The following SEPTIN10 variants were observed in gnomAD, a reference collection of about 807,000 sequenced individuals.
SEPTIN10 encodes the protein septin-10.
A neutral mutation model predicts 54.8 loss-of-function variants in SEPTIN10; 66 were observed. The ratio of observed to expected loss-of-function variants is 1.21; its 90% CI spans 0.99 to 1.48. SEPTIN10 has a LOEUF of 1.48. Ranked by LOEUF, SEPTIN10 falls within the 40% of genes most tolerant of loss-of-function variation. The pLI is 0.00. For missense variants in SEPTIN10, 620 were observed against 545.6 expected (o/e 1.14, Z -1.36); for synonymous variants, 161 against 181.0 (o/e 0.89, Z 0.89).
rs146388784 is a variant in SEPTIN10, at chr2:109,576,884, G to A, written c.414-2117C>T. 3.1e-4 allele frequency among the ~76,000 whole-genome samples: 47 copies of A among 152,012 alleles called. No homozygotes were observed. In the East Asian group the frequency reaches 8.7e-3, roughly 28 times the overall value. On this transcript the variant is annotated intron_variant, in intron 4 of 10. Transcript: ENST00000397712. Reference sequence around the variant, plus strand: ...CATATATTTCATCAAAGTTTTCAAAGGAAAAAAACAGAAAAGAGGGCAGAA... The same window carrying A: ...CATATATTTCATCAAAGTTTTCAAAAGAAAAAAACAGAAAAGAGGGCAGAA...
At chr2:109,605,232 AG>A (rs1397417401) in intron 1 of SEPTIN10, among the ~76,000 whole-genome samples, 5 of 152,136 alleles carry the variant, frequency 3.3e-5, no homozygotes, top group Non-Finnish European at 4.4e-5. Flanking sequence ...CCATATTACT[AG>A]TATGATCAGG....
In SEPTIN10 at chr2:109,566,269, C is replaced by A. The variant is rs1334479293; in HGVS notation, c.763-410G>T. On this transcript the variant is annotated intron_variant, in intron 6 of 10. Coordinates refer to ENST00000397712, the MANE Select transcript of SEPTIN10 (RefSeq NM_144710.5). ...CCGAGTAGCTGGGATTACAGTTGCC[C>A]ACCACAACATCCAGCTAATTTTTGC... Among the ~76,000 whole-genome samples, 4 of 151,880 alleles carry A rather than the reference C, an allele frequency of 2.6e-5. No individual in the cohort carries two copies. The East Asian group carries it at 7.7e-4, about 29-fold the overall frequency.
intron 4 of SEPTIN10, among the ~76,000 whole-genome samples, chr2:109,575,988 G>A (rs1292478873): frequency 6.6e-6 from 1 of 152,126 alleles, no homozygotes; most frequent in Non-Finnish European, 1.5e-5. Flanking sequence ...CAGGCTCAGT[G>A]GCTCACATCT....
Position 109,543,023 on chromosome 2 carries a change from GTTTTA to G in SEPTIN10, c.*1281_*1285del, listed in dbSNP as rs367654543. 151 of 152,672 alleles carry G rather than the reference GTTTTA, an allele frequency of 9.9e-4. No homozygotes were observed. The highest frequency in any genetic ancestry group is 3.4e-3 in the African/African-American group (140 of 41,556). The allele number at this position is 152,672 out of a possible 1,614,324, so 9.5% of individuals were successfully genotyped here. On this transcript the variant is annotated 3_prime_UTR_variant, in exon 11 of 11. Transcript: ENST00000397712. Reference sequence around the variant, plus strand: ...TTTTATTTGTCAAGAGTAAATGTCAGTTTTATTTAGAATATTCAAGTACAAAAAAT... The same window carrying G: ...TTTTATTTGTCAAGAGTAAATGTCAGTTTAGAATATTCAAGTACAAAAAAT...
chr2:109,572,609 C>CTTT (rs60520770), intron 5 of SEPTIN10, among the ~76,000 whole-genome samples: 181 of 111,192 alleles, frequency 1.6e-3, no homozygotes, highest in Non-Finnish European at 2.0e-3. Context: ...TTTAAAACAA[C>CTTT]TTTTTTTTTT....
At position 109,585,285 on chromosome 2, in the gene SEPTIN10, G is replaced by C; in HGVS notation, c.254C>G (p.Thr85Arg). ...GTCTTCAAAATTAGTATTAAACAAT[G>C]TGTCAATCAGTGTTGATTTTCCAAT... Reference protein sequence around the residue: ...TGIGKSTLIDTLFNTNFEDYE... With the variant: ...TGIGKSTLIDRLFNTNFEDYE... The change falls in exon 4 of 11, where the codon ACA becomes AGA. Residue 85 changes from threonine (T) to arginine (R), a missense_variant. Physicochemically the swap from Thr to Arg is moderately conservative, Grantham distance 71 (BLOSUM62 -1). Transcript: ENST00000397712. 2 of 1,607,686 alleles carry C rather than the reference G, an allele frequency of 1.2e-6. No individual in the cohort carries two copies. Among genetic ancestry groups the C allele is most frequent in the Admixed American group, 1.7e-5 (1 of 58,762 alleles).
chr2:109,607,450 C>G (rs899948706), intron 1 of SEPTIN10, among the ~76,000 whole-genome samples: 1 of 151,926 alleles, frequency 6.6e-6, no homozygotes, highest in Non-Finnish European at 1.5e-5. Flanking sequence ...TATCTCTCCC[C>G]CTAAAGAGAG....
intron 8 of SEPTIN10, among the ~76,000 whole-genome samples, chr2:109,559,228 T>TA (rs1182524408): frequency 6.6e-6 from 1 of 152,174 alleles, no homozygotes; most frequent in African/African-American, 2.4e-5. Context: ...AGCTTCCTAA[T>TA]ACATCAGACT....
At chr2:109,612,036 T>C (rs1022871679) in intron 1 of SEPTIN10, among the ~76,000 whole-genome samples, 6 of 152,220 alleles carry the variant, frequency 3.9e-5, no homozygotes, top group African/African-American at 9.7e-5. Flanking sequence ...TGTACATGAA[T>C]GTTTATAGCA....
At chr2:109,563,278 T>C (rs997124673) in intron 8 of SEPTIN10, among the ~76,000 whole-genome samples, 48 of 152,192 alleles carry the variant, frequency 3.2e-4, no homozygotes, top group African/African-American at 1.1e-3. Flanking sequence ...CTCCATAGAC[T>C]GAAGAAATTT....
In SEPTIN10 at chr2:109,553,159, T is replaced by C; in HGVS notation, c.1089A>G (p.Glu363=). 1 of 1,614,154 alleles carries C rather than the reference T, an allele frequency of 6.2e-7. No homozygotes were observed. The highest frequency in any genetic ancestry group is 8.5e-7 in the Non-Finnish European group (1 of 1,180,028). The stretch of plus-strand genomic sequence containing the variant: ...GCACAAACATCTGTTTCATTTCTTC[T>C]TCCTTCCTCTGACGTTCACCATGGA... The part of the protein sequence containing the change: ...HEFHGERQRK[E]EEMKQMFVQR... Residue 363 remains glutamate, a synonymous_variant, in exon 9 of 11, where the codon GAA becomes GAG. Transcript: ENST00000397712.
At position 109,553,144 on chromosome 2, in the gene SEPTIN10, C is replaced by G. The variant is rs1426265176; in HGVS notation, c.1104G>C (p.Gln368His). Reference protein sequence around the residue: ...ERQRKEEEMKQMFVQRVKEKE... With the variant: ...ERQRKEEEMKHMFVQRVKEKE... Reference sequence around the variant, plus strand: ...TCTCCTTTACTCGCTGCACAAACATCTGTTTCATTTCTTCTTCCTTCCTCT... The same window carrying G: ...TCTCCTTTACTCGCTGCACAAACATGTGTTTCATTTCTTCTTCCTTCCTCT... The change falls in exon 9 of 11, where the codon CAG becomes CAC. Residue 368 changes from glutamine (Q) to histidine (H), a missense_variant. Physicochemically the swap from Gln to His is conservative, Grantham distance 24. Coordinates refer to ENST00000397712, the MANE Select transcript of SEPTIN10 (RefSeq NM_144710.5). The G allele has an allele frequency of 2.5e-6, 4 of 1,613,916 alleles. No homozygotes were observed. The highest frequency in any genetic ancestry group is 1.3e-5 in the African/African-American group (1 of 74,940).
intron 8 of SEPTIN10, among the ~76,000 whole-genome samples, chr2:109,556,358 T>G (rs1684369146): frequency 6.6e-6 from 1 of 152,234 alleles, no homozygotes; most frequent in Non-Finnish European, 1.5e-5. Context: ...TTTCAAAATA[T>G]GAATTAAATC....
intron 4 of SEPTIN10, among the ~76,000 whole-genome samples, chr2:109,579,262 C>A (rs1690509086): frequency 6.6e-6 from 1 of 152,132 alleles, no homozygotes; most frequent in African/African-American, 2.4e-5. Flanking sequence ...GTCCTATAAT[C>A]ATTTTTTAAA....
At chr2:109,599,130 G>T (rs973066399) in intron 1 of SEPTIN10, among the ~76,000 whole-genome samples, 1 of 151,970 alleles carries the variant, frequency 6.6e-6, no homozygotes, top group East Asian at 1.9e-4. Context: ...CACACTGCTA[G>T]AAGTGGATGC....
intron 8 of SEPTIN10, among the ~76,000 whole-genome samples, chr2:109,563,312 T>G (rs993563540): frequency 2.0e-5 from 3 of 152,248 alleles, no homozygotes; most frequent in African/African-American, 7.2e-5. Flanking sequence ...CATCTAAGAT[T>G]AAGTCTTCCA....
chr2:109,549,751 C>G (rs927450194), intron 9 of SEPTIN10, among the ~76,000 whole-genome samples: 1 of 152,072 alleles, frequency 6.6e-6, no homozygotes, highest in African/African-American at 2.4e-5. Context: ...TATATATAGA[C>G]ACCTATAGTA....
At chr2:109,586,281 T>C (rs1692513776) in intron 2 of SEPTIN10, among the ~76,000 whole-genome samples, 1 of 152,210 alleles carries the variant, frequency 6.6e-6, no homozygotes, top group Non-Finnish European at 1.5e-5. Flanking sequence ...CAAACTTACC[T>C]GCCTACTGGT....
intron 10 of SEPTIN10, chr2:109,545,089 GGT>G: frequency 1.0e-6 from 1 of 985,386 alleles, no homozygotes; most frequent in Non-Finnish European, 1.2e-6. Context: ...TCTGAAAATG[GGT>G]CTGAAATAGA....
Sources: allele counts gnomAD v4.1 joint callset (sites outside exome capture counted in the v4.1 genomes callset), GRCh38; gene constraint gnomAD v4.1.1; transcripts MANE v1.5; gene names NCBI Gene and HGNC (gene_info 2026-07-23, HGNC 2026-07-21).